The following ADAMTSL3 variants were observed in gnomAD, a reference collection of about 807,000 sequenced individuals.
ADAMTSL3 encodes the protein ADAMTS like 3.
ADAMTSL3 carries 128 observed loss-of-function variants against 201.7 expected under a neutral mutation model. That is an observed-to-expected ratio of 0.63 (90% CI 0.55 to 0.73). ADAMTSL3 has a LOEUF of 0.73. Ranked by LOEUF, ADAMTSL3 falls within the 30% of genes least tolerant of loss-of-function variation. The pLI is 0.00. For missense variants in ADAMTSL3, 1,990 were observed against 2,119.6 expected (o/e 0.94, Z 1.20); for synonymous variants, 738 against 748.4 (o/e 0.99, Z 0.23).
At chr15:83,876,698 C>A (rs1362742392) in intron 9 of ADAMTSL3, among the ~76,000 whole-genome samples, 1 of 152,006 alleles carries the variant, frequency 6.6e-6, no homozygotes, top group Non-Finnish European at 1.5e-5. Flanking sequence ...GTGGCACAAT[C>A]ATGACTCACT....
intron 19 of ADAMTSL3, among the ~76,000 whole-genome samples, chr15:83,947,496 A>G (rs999791016): frequency 2.6e-5 from 4 of 152,218 alleles, no homozygotes; most frequent in African/African-American, 7.2e-5. Context: ...GCATTGACTC[A>G]TATCAGGCAA....
At chr15:83,731,454 G>A (rs535521688) in intron 3 of ADAMTSL3, among the ~76,000 whole-genome samples, 15 of 152,182 alleles carry the variant, frequency 9.9e-5, no homozygotes, top group Non-Finnish European at 1.3e-4. Context: ...TATGCTGTTG[G>A]TGGGAATGTA....
chr15:83,931,347 AAAAAC>A (rs1435823314), intron 17 of ADAMTSL3, among the ~76,000 whole-genome samples: 2 of 152,256 alleles, frequency 1.3e-5, no homozygotes, highest in African/African-American at 4.8e-5. Flanking sequence ...TTTCTTAAAT[AAAAAC>A]AGCTCCATCT....
At chr15:84,028,047 G>A (rs1393597983) in intron 27 of ADAMTSL3, among the ~76,000 whole-genome samples, 1 of 152,172 alleles carries the variant, frequency 6.6e-6, no homozygotes, top group Non-Finnish European at 1.5e-5. Flanking sequence ...AGGGAAATTT[G>A]TAGAGACAAA....
intron 4 of ADAMTSL3, among the ~76,000 whole-genome samples, chr15:83,793,241 A>G (rs1249123021): frequency 6.6e-6 from 1 of 152,178 alleles, no homozygotes; most frequent in African/African-American, 2.4e-5. Flanking sequence ...CAGTTAGGTA[A>G]GAGGAATAAG....
At chr15:83,685,623 C>G (rs989178060) in intron 2 of ADAMTSL3, among the ~76,000 whole-genome samples, 1 of 152,106 alleles carries the variant, frequency 6.6e-6, no homozygotes, top group Non-Finnish European at 1.5e-5. Context: ...ATTTTATATC[C>G]TGTATGGCTC....
intron 2 of ADAMTSL3, among the ~76,000 whole-genome samples, chr15:83,688,068 AAGC>A (rs2061561434): frequency 6.6e-6 from 1 of 152,212 alleles, no homozygotes; most frequent in South Asian, 2.1e-4. Context: ...CAAACAATAG[AAGC>A]AGCAGGAGGA....
chr15:83,727,048 TA>T (rs1199791244), intron 3 of ADAMTSL3, among the ~76,000 whole-genome samples: 1 of 152,042 alleles, frequency 6.6e-6, no homozygotes, highest in Non-Finnish European at 1.5e-5. Flanking sequence ...AGGAGCCTTT[TA>T]ATTATGGCTT....
intron 19 of ADAMTSL3, among the ~76,000 whole-genome samples, chr15:83,960,187 G>T (rs911389615): frequency 6.6e-6 from 1 of 152,116 alleles, no homozygotes; most frequent in Admixed American, 6.5e-5. Flanking sequence ...TCTGTTAAAA[G>T]ATGTCACTAA....
At chr15:83,792,119 A>G (rs190558207) in intron 4 of ADAMTSL3, among the ~76,000 whole-genome samples, 1 of 152,308 alleles carries the variant, frequency 6.6e-6, no homozygotes, top group East Asian at 1.9e-4. Context: ...CAAGCTATGC[A>G]TCTGCCATGG....
chr15:83,778,266 G>A (rs1254174894), intron 4 of ADAMTSL3, among the ~76,000 whole-genome samples: 2 of 152,058 alleles, frequency 1.3e-5, no homozygotes, highest in Non-Finnish European at 2.9e-5. Context: ...TCAAATTCAG[G>A]AAATGCAGAG....
chr15:83,897,709 C>A, intron 13 of ADAMTSL3, 149 bp from the exon 14 acceptor site: 1 of 817,656 alleles, frequency 1.2e-6, no homozygotes, highest in Non-Finnish European at 1.7e-6. Context: ...GAAAATTAGC[C>A]TCTGTACCCT....
At chr15:84,026,490 C>G (rs1321020326) in intron 27 of ADAMTSL3, among the ~76,000 whole-genome samples, 1 of 152,032 alleles carries the variant, frequency 6.6e-6, no homozygotes, top group African/African-American at 2.4e-5. Flanking sequence ...CACAGAATAA[C>G]CAAAACAATT....
At chr15:83,795,329 T>C (rs2063408661) in intron 4 of ADAMTSL3, among the ~76,000 whole-genome samples, 1 of 152,080 alleles carries the variant, frequency 6.6e-6, no homozygotes, top group Admixed American at 6.6e-5. Context: ...GGGAAATCCA[T>C]GGGGCCAAAA....
At chr15:83,797,502 G>A (rs2063445857) in intron 4 of ADAMTSL3, among the ~76,000 whole-genome samples, 1 of 152,098 alleles carries the variant, frequency 6.6e-6, no homozygotes, top group East Asian at 1.9e-4. Context: ...TCGGAAGGCT[G>A]AGACACAAGA....
chr15:83,847,562 C>G (rs1305410710), intron 7 of ADAMTSL3, among the ~76,000 whole-genome samples: 1 of 149,030 alleles, frequency 6.7e-6, no homozygotes, highest in Non-Finnish European at 1.5e-5. Context: ...ATGGTGCAAT[C>G]TCAGTTCACT....
intron 24 of ADAMTSL3, among the ~76,000 whole-genome samples, chr15:84,016,156 C>G (rs2068083690): frequency 6.6e-6 from 1 of 152,156 alleles, no homozygotes; most frequent in African/African-American, 2.4e-5. Context: ...TGGAAACATG[C>G]AGAGATGCCA....
At chr15:84,021,855 G>C (rs2068211539) in intron 26 of ADAMTSL3, among the ~76,000 whole-genome samples, 1 of 152,092 alleles carries the variant, frequency 6.6e-6, no homozygotes, top group African/African-American at 2.4e-5. Flanking sequence ...TGATTTTAGA[G>C]CCCCTGCTCT....
chr15:83,844,709 T>A (rs2064458611), intron 7 of ADAMTSL3, among the ~76,000 whole-genome samples: 2 of 152,338 alleles, frequency 1.3e-5, no homozygotes, highest in Middle Eastern at 3.4e-3. Context: ...ACTCCTGGGT[T>A]CTAGTCCTTG....
Sources: gnomAD v4.1 joint callset for allele counts (sites outside exome capture counted in the v4.1 genomes callset) on GRCh38, gnomAD v4.1.1 for gene constraint, MANE v1.5 for transcripts, NCBI Gene and HGNC (gene_info 2026-07-23, HGNC 2026-07-21) for gene names.